The following PRKCB variants were observed in gnomAD, a reference collection of about 807,000 sequenced individuals.
PRKCB encodes the protein protein kinase C beta type.
Under a neutral mutation model 81.5 loss-of-function variants are expected in PRKCB, and 13 were observed. That is an observed-to-expected ratio of 0.16 (90% CI 0.10 to 0.25). The LOEUF is 0.25. Among genes scored for constraint, PRKCB ranks in the 10% least tolerant of loss-of-function variants. PRKCB has a pLI of 1.00. For missense variants in PRKCB, 509 were observed against 875.7 expected (o/e 0.58, Z 5.29); for synonymous variants, 335 against 321.4 (o/e 1.04, Z -0.45).
chr16:23,931,706 T>C (rs1169860132), intron 2 of PRKCB, among the ~76,000 whole-genome samples: 4 of 151,852 alleles, frequency 2.6e-5, no homozygotes, highest in Non-Finnish European at 1.5e-5. Flanking sequence ...GCTGGTGCCT[T>C]TTACTTCCCG....
Position 24,217,730 on chromosome 16 carries a change from G to A in PRKCB, c.*2914G>A. The A allele has an allele frequency of 3.0e-6, 3 of 985,416 alleles. No individual in the cohort carries two copies. Among genetic ancestry groups the A allele is most frequent in the Non-Finnish European group, 3.6e-6 (3 of 829,960 alleles). 61.0% of individuals were successfully genotyped at this position (985,416 alleles called of 1,614,324 possible). On this transcript the variant is annotated 3_prime_UTR_variant, in exon 17 of 17. Transcript: ENST00000643927. ...ATCTTTGATAAGAGGCCCACAGGCA[G>A]GGAAAGCGAAATAGGGTTGATGAGA...
chr16:24,009,166 T>C (rs1436116387), intron 3 of PRKCB, among the ~76,000 whole-genome samples: 2 of 152,206 alleles, frequency 1.3e-5, no homozygotes, highest in African/African-American at 4.8e-5. Context: ...ATGGAACTGC[T>C]AACATTTCTT....
At chr16:24,176,141 T>C (rs1967527497) in intron 12 of PRKCB, among the ~76,000 whole-genome samples, 1 of 151,980 alleles carries the variant, frequency 6.6e-6, no homozygotes, top group Admixed American at 6.6e-5. Context: ...AGTGGTGATA[T>C]GGAATCTATA....
At chr16:24,060,273 G>A (rs924749865) in intron 5 of PRKCB, among the ~76,000 whole-genome samples, 2 of 152,138 alleles carry the variant, frequency 1.3e-5, no homozygotes, top group African/African-American at 4.8e-5. Flanking sequence ...AGAGTAGCCT[G>A]TACCTTGCAG....
At chr16:24,100,631 T>G (rs1966494887) in intron 7 of PRKCB, among the ~76,000 whole-genome samples, 1 of 152,182 alleles carries the variant, frequency 6.6e-6, no homozygotes, top group South Asian at 2.1e-4. Flanking sequence ...CCCCACCACC[T>G]GTCCTTTCTC....
At chr16:24,090,995 T>G (rs1026437130) in intron 5 of PRKCB, among the ~76,000 whole-genome samples, 14 of 152,232 alleles carry the variant, frequency 9.2e-5, no homozygotes, top group Non-Finnish European at 1.6e-4. Flanking sequence ...ATGGGCTGTC[T>G]GGGTGCAGGT....
intron 9 of PRKCB, among the ~76,000 whole-genome samples, chr16:24,125,522 A>G (rs1966841807): frequency 6.6e-6 from 1 of 152,100 alleles, no homozygotes; most frequent in Admixed American, 6.5e-5. Flanking sequence ...TCTTCTGAAA[A>G]ATCTTCCCCA....
intron 7 of PRKCB, chr16:24,099,766 A>C (rs1360382178): frequency 6.6e-6 from 1 of 152,112 alleles, no homozygotes; most frequent in Non-Finnish European, 1.5e-5. Context: ...TGAAGTCAGG[A>C]GTTCGAGACC....
chr16:23,947,210 G>A (rs1355274559), intron 2 of PRKCB, among the ~76,000 whole-genome samples: 1 of 152,150 alleles, frequency 6.6e-6, no homozygotes, highest in Non-Finnish European at 1.5e-5. Flanking sequence ...TAGCATTTTG[G>A]GGTCCTGCAG....
In PRKCB at chr16:24,185,656, A is replaced by G; in HGVS notation, c.1722+89A>G. ...CCCAAGAACACCCCACCAGGGGGGA[A>G]CACAGCCTGAACTCCACCCTTCACT... On this transcript the variant is annotated intron_variant, in intron 15 of 16. Coordinates refer to ENST00000643927, the MANE Select transcript of PRKCB (RefSeq NM_002738.7). The G allele has an allele frequency of 1.3e-5, 14 of 1,070,128 alleles. 1 individual carries two copies. In the South Asian group the frequency reaches 1.9e-4, roughly 15 times the overall value. The allele number at this position is 1,070,128 out of a possible 1,614,324, so 66.3% of individuals were successfully genotyped here. A position where few individuals can be genotyped will look rare whatever the true frequency, so the allele number is the denominator to read the frequency against.
chr16:24,020,976 T>TTTTCTTTCTTTCTTTCTTTCTTTCTTTC lies in PRKCB; in HGVS notation c.289-11122_289-11095dup, dbSNP rs59486748. 1.9e-4 allele frequency among the ~76,000 whole-genome samples: 18 copies of TTTTCTTTCTTTCTTTCTTTCTTTCTTTC among 96,738 alleles called. 1 individual carries two copies. The highest frequency in any genetic ancestry group is 1.6e-3 in the East Asian group (4 of 2,544). 63.5% of individuals were successfully genotyped at this position (96,738 alleles called of 152,430 possible). ...CATTCAGACTGAGAGAGACTTTTCT[T>TTTTCTTTCTTTCTTTCTTTCTTTCTTTC]TTTCTTTCTTTCTTTCTTTCTTTCT... On this transcript the variant is annotated intron_variant, in intron 3 of 16. Transcript: ENST00000643927.
chr16:24,154,788 G>A lies in PRKCB; in HGVS notation c.1170G>A (p.Glu390=). Residue 390 remains glutamate, a synonymous_variant, in exon 10 of 17, where the codon GAG becomes GAA. Coordinates refer to ENST00000643927, the MANE Select transcript of PRKCB (RefSeq NM_002738.7). ...QDDDVECTMV[E]KRVLALPGKP... ...ATGACGTGGAGTGCACTATGGTGGAGAAGCGGGTGTTGGCCCTGCCTGGGA... is the reference window on the plus strand; with the variant it reads ...ATGACGTGGAGTGCACTATGGTGGAAAAGCGGGTGTTGGCCCTGCCTGGGA... 1 of 1,614,216 alleles carries A rather than the reference G, an allele frequency of 6.2e-7. No individual in the cohort carries two copies. The highest frequency in any genetic ancestry group is 8.5e-7 in the Non-Finnish European group (1 of 1,180,034).
At chr16:24,011,731 G>A (rs1965205397) in intron 3 of PRKCB, among the ~76,000 whole-genome samples, 1 of 151,814 alleles carries the variant, frequency 6.6e-6, no homozygotes, top group South Asian at 2.1e-4. Context: ...TGCCCGGATG[G>A]GTCTTAGCCT....
At chr16:23,970,893 G>C (rs929026160) in intron 2 of PRKCB, among the ~76,000 whole-genome samples, 5 of 152,306 alleles carry the variant, frequency 3.3e-5, no homozygotes, top group South Asian at 2.1e-4. Flanking sequence ...TGGATTGAAG[G>C]CTGAGTCATT....
At chr16:24,030,146 C>T (rs1965533254) in intron 3 of PRKCB, among the ~76,000 whole-genome samples, 3 of 152,322 alleles carry the variant, frequency 2.0e-5, no homozygotes, top group Non-Finnish European at 2.9e-5. Context: ...GATCCTCCCA[C>T]CTTGGCCTCT....
At chr16:23,988,150 A>G (rs1387435989) in intron 2 of PRKCB, among the ~76,000 whole-genome samples, 1 of 152,210 alleles carries the variant, frequency 6.6e-6, no homozygotes, top group Admixed American at 6.5e-5. Flanking sequence ...GCACCTAAAC[A>G]CAAGCCAACT....
At chr16:24,168,506 A>G (rs976656891) in intron 10 of PRKCB, among the ~76,000 whole-genome samples, 2 of 107,400 alleles carry the variant, frequency 1.9e-5, no homozygotes, top group Non-Finnish European at 4.1e-5. Flanking sequence ...GATAATTTCC[A>G]TTTCATCATT....
intron 2 of PRKCB, among the ~76,000 whole-genome samples, chr16:23,982,870 G>A (rs367667938): frequency 4.6e-5 from 7 of 152,092 alleles, no homozygotes; most frequent in Non-Finnish European, 8.8e-5. Context: ...CTACCTGGCC[G>A]TCAGACATTT....
chr16:24,172,770 G>A (rs1390983431), intron 11 of PRKCB, among the ~76,000 whole-genome samples: 2 of 152,134 alleles, frequency 1.3e-5, no homozygotes, highest in African/African-American at 4.8e-5. Flanking sequence ...TAAAACCACA[G>A]CTATTTATTT....
Sources: allele counts gnomAD v4.1 joint callset (sites outside exome capture counted in the v4.1 genomes callset), GRCh38; gene constraint gnomAD v4.1.1; transcripts MANE v1.5; gene names NCBI Gene and HGNC (gene_info 2026-07-23, HGNC 2026-07-21).